Variants in DGCR2 observed in about 807,000 individuals in gnomAD.
The protein encoded by DGCR2 is DiGeorge syndrome critical region gene 2.
A neutral mutation model predicts 51.6 loss-of-function variants in DGCR2; 24 were observed. The observed-to-expected ratio is 0.47, with a 90% confidence interval of 0.34 to 0.65. The LOEUF is 0.65. DGCR2 is among the 30% of genes least tolerant of loss of function. DGCR2 has a pLI of 0.01. For synonymous variants in DGCR2, 340 were observed against 315.4 expected (o/e 1.08, Z -0.82); for missense variants, 765 against 772.1 (o/e 0.99, Z 0.11).
chr22:19,091,286 A>C (rs1418848016), intron 1 of DGCR2, among the ~76,000 whole-genome samples: 1 of 152,174 alleles, frequency 6.6e-6, no homozygotes, highest in Admixed American at 6.5e-5. Flanking sequence ...CTGAGCCTGG[A>C]AAGTTAAGGC....
chr22:19,085,225 T>C (rs1289607889), intron 2 of DGCR2, among the ~76,000 whole-genome samples: 2 of 151,968 alleles, frequency 1.3e-5, no homozygotes, highest in Non-Finnish European at 2.9e-5. Flanking sequence ...CAAGGCTATA[T>C]AGTGTGAGCA....
At chr22:19,103,739 T>TTAA (rs372345412) in intron 1 of DGCR2, among the ~76,000 whole-genome samples, 2 of 78,724 alleles carry the variant, frequency 2.5e-5, no homozygotes, top group South Asian at 5.4e-4. Context: ...AAAAAATTCT[T>TTAA]AAAAAAAAAA....
At chr22:19,049,656 G>A (rs1836576194) in intron 6 of DGCR2, among the ~76,000 whole-genome samples, 1 of 152,002 alleles carries the variant, frequency 6.6e-6, no homozygotes. Flanking sequence ...GCAAAACCCT[G>A]TCTCCACTAA....
At chr22:19,079,867 G>A (rs946331890) in intron 2 of DGCR2, among the ~76,000 whole-genome samples, 11 of 152,206 alleles carry the variant, frequency 7.2e-5, no homozygotes, top group African/African-American at 2.7e-4. Flanking sequence ...TTCAGACTCT[G>A]GCGAATATCC....
At position 19,092,252 on chromosome 22, in the gene DGCR2, G is replaced by T. The variant is rs534560516; in HGVS notation, c.80-2762C>A. 2.6e-5 allele frequency among the ~76,000 whole-genome samples: 4 copies of T among 152,168 alleles called. No individual in the cohort carries two copies. In the East Asian group the frequency reaches 5.8e-4, roughly 22 times the overall value. On this transcript the variant is annotated intron_variant, in intron 1 of 9. Coordinates refer to ENST00000263196, the MANE Select transcript of DGCR2 (RefSeq NM_005137.3). ...CCAGCTACTCAGGAGGCTAAGGCAG[G>T]AGAATCGCTTGAACCTGGGAGGCAG...
chr22:19,044,103 C>T (rs565106617), intron 7 of DGCR2, among the ~76,000 whole-genome samples: 4 of 152,296 alleles, frequency 2.6e-5, no homozygotes, highest in South Asian at 2.1e-4. Context: ...ACTCTTAATC[C>T]GTTCTAAAAT....
At chr22:19,095,516 C>A (rs958649181) in intron 1 of DGCR2, among the ~76,000 whole-genome samples, 1 of 151,944 alleles carries the variant, frequency 6.6e-6, no homozygotes, top group Non-Finnish European at 1.5e-5. Flanking sequence ...AAAAAATTAG[C>A]CGGGCGTGGT....
intron 1 of DGCR2, among the ~76,000 whole-genome samples, chr22:19,110,274 T>G (rs1372728706): frequency 6.6e-6 from 1 of 152,142 alleles, no homozygotes; most frequent in Non-Finnish European, 1.5e-5. Flanking sequence ...GGGGTGGCAG[T>G]GATAAGACAG....
chr22:19,041,272 G>A lies in DGCR2; in HGVS notation c.1182C>T (p.Arg394=). 8.1e-6 allele frequency: 13 copies of A among 1,614,112 alleles called. No homozygotes were observed. Among genetic ancestry groups the A allele is most frequent in the Non-Finnish European group, 1.1e-5 (13 of 1,180,004 alleles). Residue 394 remains arginine (R), a synonymous_variant, in exon 9 of 10, where the codon CGC becomes CGT. Coordinates refer to ENST00000263196, the MANE Select transcript of DGCR2 (RefSeq NM_005137.3). The part of the protein sequence containing the change: ...GANLHHFNLG[R]RIPGFDYGPD... ...GGCCGTAATCAAAGCCAGGGATCCT[G>A]CGGCCGAGGTTGAAGTGGTGCACTG...
At chr22:19,079,527 T>C (rs574535615) in intron 2 of DGCR2, among the ~76,000 whole-genome samples, 26 of 152,302 alleles carry the variant, frequency 1.7e-4, no homozygotes, top group Admixed American at 2.6e-4. Context: ...GGACTGCCAT[T>C]TTACCAATGT....
intron 2 of DGCR2, among the ~76,000 whole-genome samples, chr22:19,075,994 T>C (rs2082871485): frequency 6.6e-6 from 1 of 151,820 alleles, no homozygotes; most frequent in African/African-American, 2.4e-5. Context: ...AGTCTTGCTC[T>C]GTCGCCCAAG....
intron 4 of DGCR2, among the ~76,000 whole-genome samples, chr22:19,063,715 C>G (rs1307195715): frequency 6.6e-6 from 1 of 152,042 alleles, no homozygotes; most frequent in African/African-American, 2.4e-5. Context: ...CAAGAAAGTT[C>G]ACAGGGCAGG....
intron 3 of DGCR2, 62 bp downstream of exon 3, chr22:19,068,037 AG>A (rs1440773341): frequency 4.5e-5 from 66 of 1,480,056 alleles, no homozygotes; most frequent in Non-Finnish European, 4.5e-6. Flanking sequence ...AGTGCTGGAA[AG>A]GCAGGGGTCA....
At chr22:19,078,896 T>A (rs1333782997) in intron 2 of DGCR2, among the ~76,000 whole-genome samples, 1 of 152,238 alleles carries the variant, frequency 6.6e-6, no homozygotes, top group Non-Finnish European at 1.5e-5. Context: ...TGAGAAGGAC[T>A]GATGTTAATT....
chr22:19,041,489 C>T, intron 8 of DGCR2, 195 bp from the exon 9 acceptor site: 2 of 622,790 alleles, frequency 3.2e-6, no homozygotes, highest in South Asian at 2.0e-5. Context: ...CTCACCCTCA[C>T]CACACCAACC....
At chr22:19,043,045 T>C (rs1432969051) in intron 7 of DGCR2, among the ~76,000 whole-genome samples, 1 of 151,972 alleles carries the variant, frequency 6.6e-6, no homozygotes, top group African/African-American at 2.4e-5. Flanking sequence ...AGCGCAGGTG[T>C]AGGAGGGCTG....
At chr22:19,093,964 A>G (rs1000012699) in intron 1 of DGCR2, among the ~76,000 whole-genome samples, 7 of 151,980 alleles carry the variant, frequency 4.6e-5, no homozygotes, top group African/African-American at 1.4e-4. Flanking sequence ...TAGGATTGCA[A>G]TGCTGCACTC....
chr22:19,073,960 G>A (rs1376927147), intron 2 of DGCR2, among the ~76,000 whole-genome samples: 1 of 152,172 alleles, frequency 6.6e-6, no homozygotes, highest in East Asian at 1.9e-4. Flanking sequence ...AGCACTGACA[G>A]GTGAGGACCA....
At chr22:19,040,942 C>T (rs1038071285) in intron 9 of DGCR2, 116 bp downstream of exon 9, 3 of 970,330 alleles carry the variant, frequency 3.1e-6, no homozygotes, top group Middle Eastern at 2.2e-4. Flanking sequence ...AAACCAAAGA[C>T]AAAGCCGGAA....
Sources: gnomAD v4.1 joint callset for allele counts (sites outside exome capture counted in the v4.1 genomes callset) on GRCh38, gnomAD v4.1.1 for gene constraint, MANE v1.5 for transcripts, NCBI Gene and HGNC (gene_info 2026-07-23, HGNC 2026-07-21) for gene names.